The following PIEZO2 variants were observed in gnomAD, a reference collection of about 807,000 sequenced individuals.
PIEZO2 encodes the protein piezo type mechanosensitive ion channel component 2.
A neutral mutation model predicts 337.3 loss-of-function variants in PIEZO2; 172 were observed. That is an observed-to-expected ratio of 0.51 (90% confidence interval 0.45 to 0.58). PIEZO2 has a LOEUF of 0.58. Among genes scored for constraint, PIEZO2 ranks in the 20% least tolerant of loss-of-function variants. The probability of loss-of-function intolerance (pLI) is 0.00; values close to 1 mark genes in which losing one functional copy is unlikely to be tolerated. For synonymous variants in PIEZO2, 1,251 were observed against 1,228.5 expected, an observed-to-expected ratio of 1.02 and a Z score of -0.38; for missense variants, 3,028 against 3,391.3, an observed-to-expected ratio of 0.89 and a Z score of 2.66.
At chr18:10,949,085 T>C (rs1439725136) in intron 3 of PIEZO2, among the ~76,000 whole-genome samples, 1 of 152,134 alleles carries the variant, frequency 6.6e-6, no homozygotes, top group African/African-American at 2.4e-5. Context: ...CATACAGAAA[T>C]GGTCATTTGT....
chr18:10,691,827 G>C (rs988938064), intron 47 of PIEZO2, among the ~76,000 whole-genome samples: 6 of 113,734 alleles, frequency 5.3e-5, no homozygotes, highest in African/African-American at 1.1e-4. Flanking sequence ...GATCCATTTG[G>C]AATATGTAGG....
At chr18:10,869,945 G>A (rs560654637) in intron 5 of PIEZO2, among the ~76,000 whole-genome samples, 5 of 151,814 alleles carry the variant, frequency 3.3e-5, no homozygotes, top group South Asian at 2.1e-4. Flanking sequence ...GTGTGATCTC[G>A]GCTCACTGCA....
intron 3 of PIEZO2, among the ~76,000 whole-genome samples, chr18:10,917,491 C>A (rs1275767898): frequency 6.6e-6 from 1 of 152,108 alleles, no homozygotes; most frequent in East Asian, 1.9e-4. Flanking sequence ...ATTACTTTTA[C>A]CAATCATTCT....
intron 2 of PIEZO2, among the ~76,000 whole-genome samples, chr18:11,000,378 T>C (rs1002397293): frequency 1.3e-5 from 2 of 152,234 alleles, no homozygotes; most frequent in African/African-American, 4.8e-5. Flanking sequence ...TATCGTTTAT[T>C]ACCCTGGCTT....
intron 2 of PIEZO2, among the ~76,000 whole-genome samples, chr18:10,984,325 A>T (rs1051623662): frequency 1.7e-4 from 26 of 152,232 alleles, no homozygotes; most frequent in African/African-American, 6.0e-4. Flanking sequence ...AAGGGAGTAT[A>T]GATAAACTAC....
At chr18:10,927,992 G>GT (rs2031850976) in intron 3 of PIEZO2, among the ~76,000 whole-genome samples, 3 of 152,122 alleles carry the variant, frequency 2.0e-5, no homozygotes, top group African/African-American at 7.2e-5. Context: ...GACTAAGGAA[G>GT]ATTCAAAATT....
At chr18:10,764,759 G>T (rs62083226) in intron 21 of PIEZO2, among the ~76,000 whole-genome samples, 45,187 of 152,070 alleles carry the variant, frequency 0.3, 7,024 homozygotes, top group East Asian at 0.44. Flanking sequence ...AGTAGGAAGA[G>T]ATGCCTTATA....
rs1568001994 is a variant in PIEZO2 at position 10,737,287 on chromosome 18, A to AAAAAAAAAAC, written c.4709-578_4709-577insGTTTTTTTTT. 7.6e-5 allele frequency among the ~76,000 whole-genome samples: 5 copies of AAAAAAAAAAC among 65,390 alleles called. No individual in the cohort carries two copies. The African/African-American group carries it at 8.0e-4, about 10-fold the overall frequency. The allele number at this position is 65,390 out of a possible 152,430, so 42.9% of individuals were successfully genotyped here. A position where few individuals can be genotyped will look rare whatever the true frequency, so the allele number is the denominator to read the frequency against. ...AAAACATACATGGCAAGACATTTGA[A>AAAAAAAAAAC]AAAAAAAAAACAAAAAAACACGCAC... On this transcript the variant is annotated intron_variant, in intron 33 of 55. Coordinates refer to ENST00000674853, the MANE Select transcript of PIEZO2 (RefSeq NM_001378183.1).
chr18:10,963,496 G>T (rs2033872439), intron 3 of PIEZO2, among the ~76,000 whole-genome samples: 1 of 152,090 alleles, frequency 6.6e-6, no homozygotes, highest in Admixed American at 6.5e-5. Context: ...TTAAAAAATG[G>T]TTTTCCACAT....
At chr18:10,745,158 T>G (rs1415756539) in intron 30 of PIEZO2, among the ~76,000 whole-genome samples, 2 of 152,176 alleles carry the variant, frequency 1.3e-5, no homozygotes, top group African/African-American at 4.8e-5. Flanking sequence ...CACAGGCGTC[T>G]TGCCCTGCAG....
At position 10,764,589 on chromosome 18, in the gene PIEZO2, C is replaced by CAAA. The variant is rs35057417; in HGVS notation, c.2947-1494_2947-1492dup. On this transcript the variant is annotated intron_variant, in intron 21 of 55. Coordinates refer to ENST00000674853, the MANE Select transcript of PIEZO2 (RefSeq NM_001378183.1). ...TGGGTGACAGAGTGACACTACGTCT[C>CAAA]AAAAAAAAAAAAAAGTTTAAAAAAT... Among the ~76,000 whole-genome samples, 378 of 143,184 alleles carry CAAA rather than the reference C, an allele frequency of 2.6e-3. 2 individuals carry two copies. Among genetic ancestry groups the CAAA allele is most frequent in the African/African-American group, 9.4e-3 (366 of 38,908 alleles). The allele number at this position is 143,184 out of a possible 152,430, so 93.9% of individuals were successfully genotyped here.
At chr18:10,720,081 A>C (rs2036193172) in intron 36 of PIEZO2, among the ~76,000 whole-genome samples, 1 of 148,842 alleles carries the variant, frequency 6.7e-6, no homozygotes, top group Non-Finnish European at 1.5e-5. Flanking sequence ...TAGGTATCTT[A>C]AATCTTCATA....
At position 10,870,285 on chromosome 18, in the gene PIEZO2, T is replaced by G. The variant is rs148743311; in HGVS notation, c.492+968A>C. On this transcript the variant is annotated intron_variant, in intron 5 of 55. Coordinates refer to ENST00000674853, the MANE Select transcript of PIEZO2 (RefSeq NM_001378183.1). This position sits in a 1 kb window ranked among gnomAD's most constrained non-coding sequence, Gnocchi z 5.3. Reference sequence around the variant, plus strand: ...TCTGCTTTCTTGTGAACCATATAAATCATTTTCCATAAGTGAGAATTTTCC... The same window carrying G: ...TCTGCTTTCTTGTGAACCATATAAAGCATTTTCCATAAGTGAGAATTTTCC... Among the ~76,000 whole-genome samples the G allele has an allele frequency of 2.0e-5, 3 of 152,316 alleles. No individual in the cohort carries two copies. Among genetic ancestry groups the G allele is most frequent in the African/African-American group, 7.2e-5 (3 of 41,566 alleles).
intron 3 of PIEZO2, among the ~76,000 whole-genome samples, chr18:10,916,915 G>A (rs907492169): frequency 2.6e-5 from 4 of 152,126 alleles, no homozygotes; most frequent in Admixed American, 6.5e-5. Context: ...CCTGCCATCT[G>A]ATTATAATTT....
rs1186070705 is a variant in PIEZO2 at position 11,081,862 on chromosome 18, C to T, written c.65-15640G>A. Among the ~76,000 whole-genome samples, 12 of 151,364 alleles carry T rather than the reference C, an allele frequency of 7.9e-5. No individual in the cohort carries two copies. In the South Asian group the frequency reaches 1.3e-3, roughly 16 times the overall value. On this transcript the variant is annotated intron_variant, in intron 1 of 55. Transcript: ENST00000674853. ...GCAACCTCCACCTCCTAGGTTTAAG[C>T]GATTCTCCTGTCTCAGCCTCCCGAG...
rs539336122 is a variant in PIEZO2, at chr18:11,131,248, C to T, written c.64+17277G>A. Among the ~76,000 whole-genome samples, 4 of 152,348 alleles carry T rather than the reference C, an allele frequency of 2.6e-5. No individual in the cohort carries two copies. The East Asian group carries it at 7.7e-4, about 29-fold the overall frequency. ...CCATAAAGCGTGTCATGCACAGCAG[C>T]ATTCCATCATCAAATGGAAGTGATA... is the stretch of plus-strand genomic sequence containing the variant. On this transcript the variant is annotated intron_variant, in intron 1 of 55. Transcript: ENST00000674853. This position sits in a 1 kb window ranked among gnomAD's most constrained non-coding sequence, Gnocchi z 5.3.
At chr18:11,073,432 T>C (rs536473853) in intron 1 of PIEZO2, among the ~76,000 whole-genome samples, 1 of 152,312 alleles carries the variant, frequency 6.6e-6, no homozygotes, top group East Asian at 1.9e-4. Flanking sequence ...GCTGCTGTGC[T>C]ACATGTGTCC....
chr18:11,119,584 A>G (rs1200543665), intron 1 of PIEZO2, among the ~76,000 whole-genome samples: 1 of 152,234 alleles, frequency 6.6e-6, no homozygotes, highest in Non-Finnish European at 1.5e-5. Flanking sequence ...TCTATGAGCT[A>G]TATTAACACA....
chr18:10,906,350 A>C (rs1041313381), intron 4 of PIEZO2, among the ~76,000 whole-genome samples: 1 of 152,224 alleles, frequency 6.6e-6, no homozygotes, highest in Non-Finnish European at 1.5e-5. Flanking sequence ...TTTTTAATTA[A>C]AAACGGGCAA....
Sources: gnomAD v4.1 joint callset for allele counts (sites outside exome capture counted in the v4.1 genomes callset) on GRCh38, gnomAD v4.1.1 for gene constraint, Gnocchi (gnomAD v3.1) non-coding constraint, MANE v1.5 for transcripts, NCBI Gene and HGNC (gene_info 2026-07-23, HGNC 2026-07-21) for gene names.